GLIS3: variants seen among roughly 807,000 people sequenced by gnomAD.
GLIS3 encodes the protein zinc finger protein GLIS3.
In GLIS3, 53 loss-of-function variants were observed where a neutral mutation model predicts 78.6. The observed-to-expected ratio is 0.67, with a 90% CI of 0.54 to 0.85. GLIS3 has a LOEUF of 0.85. Among genes scored for constraint, GLIS3 ranks in the 40% least tolerant of loss-of-function variants. The pLI is 0.00. For missense variants in GLIS3, 1,703 were observed against 1,231.1 expected (o/e 1.38, Z -5.74); for synonymous variants, 684 against 509.9 (o/e 1.34, Z -4.60).
At chr9:3,956,779 G>C (rs1450177465) in intron 4 of GLIS3, among the ~76,000 whole-genome samples, 1 of 152,060 alleles carries the variant, frequency 6.6e-6, no homozygotes, top group South Asian at 2.1e-4. Context: ...AATCTTAGTT[G>C]ACCAGGCTGT....
chr9:4,018,877 G>C (rs189320637), intron 4 of GLIS3, among the ~76,000 whole-genome samples: 1 of 152,192 alleles, frequency 6.6e-6, no homozygotes, highest in Non-Finnish European at 1.5e-5. Flanking sequence ...CTGTGTTCTC[G>C]CTTAGAAAAG....
At chr9:4,460,503 A>G in the GLIS3 span, among the ~76,000 whole-genome samples, 9 of 152,148 alleles carry the variant, frequency 5.9e-5, no homozygotes, top group Non-Finnish European at 1.3e-4. Flanking sequence ...GTAGGTATAT[A>G]TACTCCAAGT....
chr9:3,935,536 T>C (rs895685477), intron 5 of GLIS3, among the ~76,000 whole-genome samples: 3 of 152,106 alleles, frequency 2.0e-5, no homozygotes, highest in Admixed American at 2.0e-4. Context: ...ACCATAACAC[T>C]TAGCCTCGCA....
rs748452135 is a variant in GLIS3, at chr9:3,866,034, T to C, written c.2298-9850A>G. On this transcript the variant is annotated intron_variant, in intron 8 of 10. Transcript: ENST00000381971. Reference sequence around the variant, plus strand: ...CCATGAAGTGGTCCGAAGCAGATTGTGGAGGTGGAAGAAGAACAATTGCCT... The same window carrying C: ...CCATGAAGTGGTCCGAAGCAGATTGCGGAGGTGGAAGAAGAACAATTGCCT... Among the ~76,000 whole-genome samples, 68 of 152,268 alleles carry C rather than the reference T, an allele frequency of 4.5e-4. No homozygotes were observed. In the Middle Eastern group the frequency reaches 0.014, roughly 30 times the overall value.
intron 2 of GLIS3, among the ~76,000 whole-genome samples, chr9:4,196,937 C>G (rs986469006): frequency 2.6e-4 from 40 of 152,184 alleles, no homozygotes; most frequent in African/African-American, 9.4e-4. Context: ...CCTCTCCGCT[C>G]CACCCCTAGG....
At chr9:4,209,470 T>A (rs1053681381) in intron 2 of GLIS3, among the ~76,000 whole-genome samples, 6 of 152,190 alleles carry the variant, frequency 3.9e-5, no homozygotes, top group African/African-American at 1.4e-4. Context: ...CAAGAGCCCA[T>A]TTGCAGAAAG....
chr9:4,109,564 A>C (rs1831044090), intron 4 of GLIS3, among the ~76,000 whole-genome samples: 1 of 152,246 alleles, frequency 6.6e-6, no homozygotes, highest in Non-Finnish European at 1.5e-5. Flanking sequence ...GAGATAATGG[A>C]GAAGACCTGG....
chr9:4,419,811 AAAC>A, the GLIS3 span, among the ~76,000 whole-genome samples: 1 of 151,924 alleles, frequency 6.6e-6, no homozygotes, highest in Non-Finnish European at 1.5e-5. Context: ...CAAAAACAAA[AAAC>A]AACCAGATCT....
chr9:4,007,299 G>A (rs767911601), intron 4 of GLIS3, among the ~76,000 whole-genome samples: 5 of 152,082 alleles, frequency 3.3e-5, no homozygotes, highest in Non-Finnish European at 4.4e-5. Flanking sequence ...GGACAGTAGA[G>A]ATCTGAGCTT....
chr9:4,286,910 G>C (rs1828049545), intron 1 of GLIS3, among the ~76,000 whole-genome samples: 1 of 152,208 alleles, frequency 6.6e-6, no homozygotes, highest in Admixed American at 6.5e-5. Context: ...TACCTGAGCT[G>C]TGAGACCAAT....
At chr9:4,284,485 G>C (rs1399698794) in intron 2 of GLIS3, among the ~76,000 whole-genome samples, 5 of 151,978 alleles carry the variant, frequency 3.3e-5, no homozygotes, top group Non-Finnish European at 7.4e-5. Context: ...ATAGCAACCT[G>C]ACAATGAGCA....
At chr9:3,855,808 A>T in intron 9 of GLIS3, 1 of 630,882 alleles carries the variant, frequency 1.6e-6, no homozygotes, top group Non-Finnish European at 2.8e-6. Flanking sequence ...ATGTGTCATA[A>T]ATCATACCAT....
At chr9:3,990,644 A>G (rs1367498933) in intron 4 of GLIS3, among the ~76,000 whole-genome samples, 2 of 152,194 alleles carry the variant, frequency 1.3e-5, no homozygotes, top group African/African-American at 2.4e-5. Flanking sequence ...GTTTCCCTCC[A>G]AAATAGCCCT....
the GLIS3 span, among the ~76,000 whole-genome samples, chr9:4,481,557 G>A: frequency 6.6e-6 from 1 of 151,116 alleles, no homozygotes; most frequent in South Asian, 2.1e-4. Flanking sequence ...GTTTTCCAGT[G>A]TAATTCATTT....
At chr9:4,421,606 G>A in the GLIS3 span, among the ~76,000 whole-genome samples, 2 of 152,234 alleles carry the variant, frequency 1.3e-5, no homozygotes, top group Admixed American at 1.3e-4. Context: ...AGATACAGTT[G>A]TCACTGGAAC....
At chr9:4,309,908 A>G (rs1292403282) in intron 3 of GLIS3, among the ~76,000 whole-genome samples, 1 of 152,236 alleles carries the variant, frequency 6.6e-6, no homozygotes, top group Non-Finnish European at 1.5e-5. Flanking sequence ...GGCGGCCAAA[A>G]GATTTCTCTC....
At chr9:3,990,855 C>G (rs898814401) in intron 4 of GLIS3, among the ~76,000 whole-genome samples, 1 of 152,192 alleles carries the variant, frequency 6.6e-6, no homozygotes, top group Non-Finnish European at 1.5e-5. Context: ...TTTTCTCCCT[C>G]TCTTCCAAAA....
chr9:4,237,092 A>G (rs561612344), intron 2 of GLIS3, among the ~76,000 whole-genome samples: 2 of 151,576 alleles, frequency 1.3e-5, no homozygotes, highest in Admixed American at 6.6e-5. Flanking sequence ...AAGTATAAAG[A>G]ATCACCAACA....
chr9:4,227,676 T>C (rs1821894142), intron 2 of GLIS3, among the ~76,000 whole-genome samples: 1 of 152,210 alleles, frequency 6.6e-6, no homozygotes, highest in Admixed American at 6.5e-5. Context: ...CCGGGACTTC[T>C]GTAAGACCAA....
Sources: gnomAD v4.1 joint callset for allele counts (sites outside exome capture counted in the v4.1 genomes callset) on GRCh38, gnomAD v4.1.1 for gene constraint, MANE v1.5 for transcripts, NCBI Gene and HGNC (gene_info 2026-07-23, HGNC 2026-07-21) for gene names.